SYNPR: variants seen among roughly 807,000 people sequenced by gnomAD.
SYNPR encodes synaptoporin.
A neutral mutation model predicts 32.9 loss-of-function variants in SYNPR; 23 were observed. The observed-to-expected ratio is 0.70, with a 90% CI of 0.50 to 0.99. SYNPR has a LOEUF of 0.99. Ranked by LOEUF, SYNPR falls within the 50% of genes least tolerant of loss-of-function variation. The probability of loss-of-function intolerance (pLI) is 0.00; values close to 1 mark genes in which losing one functional copy is unlikely to be tolerated. For missense variants in SYNPR, 318 were observed against 349.3 expected, an observed-to-expected ratio of 0.91 and a Z score of 0.71; for synonymous variants, 146 against 135.9, an observed-to-expected ratio of 1.07 and a Z score of -0.52.
At chr3:63,217,015 C>G in the SYNPR span, among the ~76,000 whole-genome samples, 1 of 21,518 alleles carries the variant, frequency 4.6e-5, no homozygotes, top group South Asian at 1.3e-3. Flanking sequence ...CCCAGTTAGG[C>G]TGCTCGGGGG....
chr3:63,237,693 G>A (rs2086209882), intron 1 of SYNPR, among the ~76,000 whole-genome samples: 1 of 152,050 alleles, frequency 6.6e-6, no homozygotes, highest in African/African-American at 2.4e-5. Flanking sequence ...TCACATTTAA[G>A]TTTAATACAG....
chr3:63,494,428 T>TACAC (rs1575674382), intron 3 of SYNPR, among the ~76,000 whole-genome samples: 1 of 134,924 alleles, frequency 7.4e-6, no homozygotes, highest in Admixed American at 7.7e-5. Flanking sequence ...CGTATATATA[T>TACAC]ATATACGTAT....
At chr3:63,483,450 T>A (rs1174422135) in intron 3 of SYNPR, among the ~76,000 whole-genome samples, 1 of 152,188 alleles carries the variant, frequency 6.6e-6, no homozygotes. Flanking sequence ...TATATGTGTG[T>A]AAAATATAAA....
intron 2 of SYNPR, chr3:63,443,060 A>T: frequency 1.9e-5 from 19 of 1,014,290 alleles, no homozygotes; most frequent in Non-Finnish European, 2.2e-5. Flanking sequence ...TCTGTTGGTG[A>T]TGCAGCCTGC....
chr3:63,546,723 G>A (rs974923720), intron 3 of SYNPR, among the ~76,000 whole-genome samples: 4 of 149,808 alleles, frequency 2.7e-5, no homozygotes, highest in Non-Finnish European at 5.9e-5. Context: ...GAAAAAAAAA[G>A]TTCCTCCTAT....
intron 3 of SYNPR, among the ~76,000 whole-genome samples, chr3:63,487,670 A>G (rs1283207872): frequency 6.6e-6 from 1 of 152,214 alleles, no homozygotes; most frequent in African/African-American, 2.4e-5. Context: ...CGTGCTTTTA[A>G]CTATTTAATG....
At chr3:63,411,477 T>A (rs2088463901) in intron 2 of SYNPR, among the ~76,000 whole-genome samples, 1 of 152,128 alleles carries the variant, frequency 6.6e-6, no homozygotes, top group Non-Finnish European at 1.5e-5. Flanking sequence ...GGAAGGCTGA[T>A]CATACCAATG....
intron 4 of SYNPR, among the ~76,000 whole-genome samples, chr3:63,581,490 C>G (rs772972451): frequency 1.0e-5 from 1 of 100,480 alleles, no homozygotes; most frequent in South Asian, 5.2e-4. Flanking sequence ...AACAAACACA[C>G]GCACACATAA....
chr3:63,531,935 G>A (rs1024944726), intron 3 of SYNPR, among the ~76,000 whole-genome samples: 13 of 152,132 alleles, frequency 8.5e-5, no homozygotes, highest in East Asian at 3.9e-4. Context: ...TGAAGGTTAC[G>A]TCATTCCCAA....
At chr3:63,529,506 T>C (rs1347687844) in intron 3 of SYNPR, among the ~76,000 whole-genome samples, 1 of 152,184 alleles carries the variant, frequency 6.6e-6, no homozygotes, top group East Asian at 1.9e-4. Flanking sequence ...ACAGAGATTC[T>C]GTGGCTTCCC....
chr3:63,405,478 C>T (rs1430613001), intron 2 of SYNPR, among the ~76,000 whole-genome samples: 1 of 152,044 alleles, frequency 6.6e-6, no homozygotes, highest in Admixed American at 6.6e-5. Flanking sequence ...CTGGCTGAAT[C>T]ATAAAGGATG....
At chr3:63,510,927 G>C (rs998598025) in intron 3 of SYNPR, among the ~76,000 whole-genome samples, 1 of 130,264 alleles carries the variant, frequency 7.7e-6, no homozygotes, top group African/African-American at 2.7e-5. Context: ...GTGTGTGTGT[G>C]TGTGTGTGCG....
At chr3:63,205,443 T>G in the SYNPR span, among the ~76,000 whole-genome samples, 1 of 152,204 alleles carries the variant, frequency 6.6e-6, no homozygotes, top group African/African-American at 2.4e-5. Context: ...GTGCCTAAAG[T>G]GAAGCAAACA....
At chr3:63,456,742 G>A (rs1298251222) in intron 2 of SYNPR, among the ~76,000 whole-genome samples, 4 of 152,008 alleles carry the variant, frequency 2.6e-5, no homozygotes, top group Middle Eastern at 6.8e-3. Context: ...TCATGATCAC[G>A]CCTCTTTCCC....
At chr3:63,239,080 G>A (rs2086219040) in intron 1 of SYNPR, among the ~76,000 whole-genome samples, 1 of 152,038 alleles carries the variant, frequency 6.6e-6, no homozygotes, top group Non-Finnish European at 1.5e-5. Flanking sequence ...CATTAATTAG[G>A]TTGTATGTGC....
intron 2 of SYNPR, among the ~76,000 whole-genome samples, chr3:63,430,735 T>C (rs1699978169): frequency 6.6e-6 from 1 of 152,214 alleles, no homozygotes; most frequent in East Asian, 1.9e-4. Context: ...CTTATTTTCA[T>C]CACTTATTTG....
At chr3:63,480,289 TC>T (rs1045136622) in intron 2 of SYNPR, among the ~76,000 whole-genome samples, 1 of 152,192 alleles carries the variant, frequency 6.6e-6, no homozygotes, top group Non-Finnish European at 1.5e-5. Context: ...TATACTGAGA[TC>T]TTGTGCTCTA....
chr3:63,488,643 TAC>T, intron 3 of SYNPR, among the ~76,000 whole-genome samples: 1 of 152,146 alleles, frequency 6.6e-6, no homozygotes, highest in Middle Eastern at 3.2e-3. Context: ...AGTCGTGTAG[TAC>T]AGAGTCTGGC....
intron 2 of SYNPR, among the ~76,000 whole-genome samples, chr3:63,349,794 G>A (rs540928277): frequency 2.0e-5 from 3 of 152,274 alleles, no homozygotes; most frequent in African/African-American, 4.8e-5. Context: ...TGGCGAAAGC[G>A]TAGAAGGTAC....
Sources: allele counts gnomAD v4.1 joint callset (sites outside exome capture counted in the v4.1 genomes callset), GRCh38; gene constraint gnomAD v4.1.1; transcripts MANE v1.5; gene names NCBI Gene and HGNC (gene_info 2026-07-23, HGNC 2026-07-21).